Variants in INKA2 observed in about 807,000 individuals in gnomAD.
INKA2 encodes PAK4-inhibitor INKA2.
In INKA2, 3 loss-of-function variants were observed where a neutral mutation model predicts 9.8. That is an observed-to-expected ratio of 0.31 (90% CI 0.14 to 0.79). The LOEUF is 0.79. Among genes scored for constraint, INKA2 ranks in the 30% least tolerant of loss-of-function variants. The pLI, the probability that INKA2 is intolerant of heterozygous loss-of-function variation, is 0.62. For missense variants in INKA2, 392 were observed against 384.4 expected (o/e 1.02, Z -0.17); for synonymous variants, 147 against 143.3 (o/e 1.03, Z -0.18).
chr1:111,750,954 G>A (rs1334216467), intron 1 of INKA2, among the ~76,000 whole-genome samples: 1 of 152,138 alleles, frequency 6.6e-6, no homozygotes, highest in Non-Finnish European at 1.5e-5. Flanking sequence ...AACAACTATG[G>A]CTTTCATGCT....
chr1:111,740,235 A>G (rs986187067), upstream of INKA2, among the ~76,000 whole-genome samples: 1 of 152,222 alleles, frequency 6.6e-6, no homozygotes, highest in Non-Finnish European at 1.5e-5. Flanking sequence ...GCGTCAGTCA[A>G]CCTAGCTGAC....
chr1:111,745,289 A>ATTTTT (rs1381242388), intron 1 of INKA2: 1 of 52,690 alleles, frequency 1.9e-5, no homozygotes, highest in East Asian at 4.3e-4. Context: ...ATATATATAT[A>ATTTTT]TATATTTTTT....
In INKA2 at chr1:111,723,085, G is replaced by T; in HGVS notation, c.*3883C>A. ...CTCCAAGTCTAGTGCTCATACCATGGTGCTGGCAGAAGTGCCTTAACTGCA... is the reference window on the plus strand; with the variant it reads ...CTCCAAGTCTAGTGCTCATACCATGTTGCTGGCAGAAGTGCCTTAACTGCA... On this transcript the variant is annotated 3_prime_UTR_variant, in exon 2 of 2. Transcript: ENST00000357260. 1 of 701,830 alleles carries T rather than the reference G, an allele frequency of 1.4e-6. No homozygotes were observed. Among genetic ancestry groups the T allele is most frequent in the Non-Finnish European group, 2.6e-6 (1 of 384,530 alleles). 43.5% of individuals were successfully genotyped at this position (701,830 alleles called of 1,614,324 possible).
intron 1 of INKA2, among the ~76,000 whole-genome samples, chr1:111,730,528 C>A (rs1435925468): frequency 6.6e-6 from 1 of 152,222 alleles, no homozygotes; most frequent in Non-Finnish European, 1.5e-5. Context: ...CCGTGGCTCT[C>A]CAATGCCCAG....
intron 1 of INKA2, chr1:111,753,154 T>C (rs1384110078): frequency 6.6e-6 from 1 of 152,160 alleles, no homozygotes; most frequent in Admixed American, 6.5e-5. Context: ...GCTCTCCAGG[T>C]AGATGGAACA....
Position 111,739,364 on chromosome 1 carries a change from G to C in INKA2, c.-122C>G, listed in dbSNP as rs1452010230. ...CCCGTAGCGCTCGCAGCGCGGAGCT[G>C]AGCCTGCGCTCCGAGCCCGGGACTC... On this transcript the variant is annotated 5_prime_UTR_variant, in exon 1 of 2. Transcript: ENST00000357260. 23 of 1,535,938 alleles carry C rather than the reference G, an allele frequency of 1.5e-5. No homozygotes were observed. The highest frequency in any genetic ancestry group is 2.8e-5 in the African/African-American group (2 of 71,622).
chr1:111,741,424 A>C (rs1663148941), upstream of INKA2, among the ~76,000 whole-genome samples: 1 of 152,222 alleles, frequency 6.6e-6, no homozygotes, highest in South Asian at 2.1e-4. Context: ...AAATTCTCCA[A>C]GAGATCCCTT....
At chr1:111,745,293 A>ATATATATATATT (rs1358304932) in intron 1 of INKA2, 3 of 49,264 alleles carry the variant, frequency 6.1e-5, no homozygotes, top group Non-Finnish European at 7.4e-5. Context: ...ATATATATAT[A>ATATATATATATT]TTTTTTTTTT....
Position 111,734,372 on chromosome 1 carries a change from C to A in INKA2, c.57+4814G>T, listed in dbSNP as rs144965231. ...GCAGTCAATCAACTTCCTCGAACAT[C>A]CAAGGGACCTCAAGAAGTTACCTTC... is the stretch of plus-strand genomic sequence containing the variant. On this transcript the variant is annotated intron_variant, in intron 1 of 1. Coordinates refer to ENST00000357260, the MANE Select transcript of INKA2 (RefSeq NM_019099.5). 3.9e-3 allele frequency among the ~76,000 whole-genome samples: 601 copies of A among 152,288 alleles called. 2 individuals are homozygous for A. Among genetic ancestry groups the A allele is most frequent in the African/African-American group, 0.014 (571 of 41,564 alleles).
In INKA2 at chr1:111,739,331, C is replaced by T; in HGVS notation, c.-89G>A. 1 of 1,578,648 alleles carries T rather than the reference C, an allele frequency of 6.3e-7. No individual in the cohort carries two copies. Among genetic ancestry groups the T allele is most frequent in the Non-Finnish European group, 8.6e-7 (1 of 1,162,578 alleles). On this transcript the variant is annotated 5_prime_UTR_variant, in exon 1 of 2. Coordinates refer to ENST00000357260, the MANE Select transcript of INKA2 (RefSeq NM_019099.5). ...AACTGCGCTCCGGGCCGGCTCCCCG[C>T]CCCTGCGCCCGTAGCGCTCGCAGCG...
At chr1:111,755,594 G>C in intron 1 of INKA2, 1 of 1,334,648 alleles carries the variant, frequency 7.5e-7, no homozygotes, top group Non-Finnish European at 1.0e-6. Flanking sequence ...GGGCGGTGGC[G>C]CCGGGGGCAC....
chr1:111,731,856 T>C (rs961473906), intron 1 of INKA2, among the ~76,000 whole-genome samples: 1 of 152,232 alleles, frequency 6.6e-6, no homozygotes, highest in African/African-American at 2.4e-5. Context: ...GTTCCATTCC[T>C]TATATCTGGT....
chr1:111,755,428 G>A, intron 1 of INKA2: 2 of 518,466 alleles, frequency 3.9e-6, no homozygotes, highest in South Asian at 2.7e-5. Flanking sequence ...TACGTTCTGC[G>A]CGCTCTCTGC....
Position 111,727,067 on chromosome 1 carries a change from G to C in INKA2, c.795C>G (p.Thr265=), listed in dbSNP as rs200332005. ...KGSGHFPFPG[T]GEHRRGENPP... is the part of the protein sequence containing the mutation. ...GATTCTCCCCTCGCCTGTGCTCCCC[G>C]GTGCCTGGGAAGGGGAAATGTCCAG... The change falls in exon 2 of 2, where the codon ACC becomes ACG. Residue 265 remains threonine (T), a synonymous_variant. Coordinates refer to ENST00000357260, the MANE Select transcript of INKA2 (RefSeq NM_019099.5). The C allele has an allele frequency of 6.2e-6, 10 of 1,614,026 alleles. No homozygotes were observed. The South Asian group carries it at 1.1e-4, about 18-fold the overall frequency.
chr1:111,753,771 G>C (rs1278043473), intron 1 of INKA2: 58 of 152,128 alleles, frequency 3.8e-4, no homozygotes, highest in Admixed American at 3.6e-3. Context: ...CAAAATTACT[G>C]TCCTTGAGAA....
chr1:111,736,517 T>C (rs1004558263), intron 1 of INKA2, among the ~76,000 whole-genome samples: 4 of 152,190 alleles, frequency 2.6e-5, no homozygotes, highest in African/African-American at 7.2e-5. Context: ...AATGTTTTGT[T>C]TTCCAGCAGG....
intron 1 of INKA2, among the ~76,000 whole-genome samples, chr1:111,737,623 G>T (rs1485604415): frequency 6.6e-6 from 1 of 152,150 alleles, no homozygotes; most frequent in Non-Finnish European, 1.5e-5. Context: ...TGTGGGCTGG[G>T]GCCAGCCATC....
In INKA2 at chr1:111,727,067, G is replaced by A. The variant is rs200332005; in HGVS notation, c.795C>T (p.Thr265=). 119 of 1,613,904 alleles carry A rather than the reference G, an allele frequency of 7.4e-5. No homozygotes were observed. The highest frequency in any genetic ancestry group is 9.2e-5 in the Non-Finnish European group (109 of 1,180,034). ...GATTCTCCCCTCGCCTGTGCTCCCC[G>A]GTGCCTGGGAAGGGGAAATGTCCAG... ...KGSGHFPFPG[T]GEHRRGENPP... is the part of the protein sequence containing the mutation. Residue 265 remains threonine (T), a synonymous_variant, in exon 2 of 2, where the codon ACC becomes ACT. Coordinates refer to ENST00000357260, the MANE Select transcript of INKA2 (RefSeq NM_019099.5).
chr1:111,738,425 C>G (rs1030943753), intron 1 of INKA2, among the ~76,000 whole-genome samples: 1 of 151,944 alleles, frequency 6.6e-6, no homozygotes, highest in Non-Finnish European at 1.5e-5. Context: ...TACTTCTCCC[C>G]CTCCCCGTAC....
Sources: gnomAD v4.1 joint callset for allele counts (sites outside exome capture counted in the v4.1 genomes callset) on GRCh38, gnomAD v4.1.1 for gene constraint, MANE v1.5 for transcripts, NCBI Gene and HGNC (gene_info 2026-07-23, HGNC 2026-07-21) for gene names.